Variants in STARD8 observed in about 807,000 individuals in gnomAD.
STARD8 encodes the protein StAR related lipid transfer domain containing 8, also known as stAR-related lipid transfer protein 8.
In STARD8, 25 loss-of-function variants were observed where a neutral mutation model predicts 69.4. That is an observed-to-expected ratio of 0.36 (90% CI 0.26 to 0.50). The LOEUF (loss-of-function observed/expected upper bound fraction) is 0.50. STARD8 is among the 20% of genes least tolerant of loss of function. The pLI is 0.96. For missense variants in STARD8, 921 were observed against 932.5 expected, an observed-to-expected ratio of 0.99 and a Z score of 0.16; for synonymous variants, 389 against 374.6, an observed-to-expected ratio of 1.04 and a Z score of -0.45.
chrX:68,650,302 T>C (rs1485641143), intron 1 of STARD8, among the ~76,000 whole-genome samples: 1 of 109,119 alleles, frequency 9.2e-6, no homozygotes, highest in Non-Finnish European at 1.9e-5. Context: ...AATGGACACC[T>C]ATAGTCCCAG....
At chrX:68,666,991 T>C (rs1410383324) in intron 2 of STARD8, among the ~76,000 whole-genome samples, 1 of 112,043 alleles carries the variant, frequency 8.9e-6, no homozygotes, top group African/African-American at 3.3e-5. Context: ...AGAATATCTG[T>C]GCCAGGCAGA....
At position 68,715,285 on chromosome X, in the gene STARD8, G is replaced by A. The variant is rs2080083035; in HGVS notation, c.152-9G>A. 8.3e-7 allele frequency: 1 copy of A among 1,201,302 alleles called. No individual in the cohort carries two copies. The highest frequency in any genetic ancestry group is 1.1e-6 in the Non-Finnish European group (1 of 889,119). ...ACTGCACTCATCTTTGCTTCTCTCTGCCATACAGAAGGTTCGTTTCCCCTG... is the reference window on the plus strand; with the variant it reads ...ACTGCACTCATCTTTGCTTCTCTCTACCATACAGAAGGTTCGTTTCCCCTG... On this transcript the variant is annotated splice_polypyrimidine_tract_variant and intron_variant, in intron 3 of 14. Transcript: ENST00000374599.
intron 1 of STARD8, among the ~76,000 whole-genome samples, chrX:68,652,114 T>C (rs1168053704): frequency 9.1e-6 from 1 of 109,637 alleles, no homozygotes; most frequent in Non-Finnish European, 1.9e-5. Context: ...CGCCTTGGCT[T>C]CCCAAAGTGC....
chrX:68,715,776 A>T (rs184072655), intron 4 of STARD8, among the ~76,000 whole-genome samples: 76 of 109,280 alleles, frequency 7.0e-4, no homozygotes, highest in African/African-American at 2.4e-3. Flanking sequence ...CCCTCACCCT[A>T]CTCCCAGATC....
chrX:68,678,396 G>A (rs760485985), intron 2 of STARD8, among the ~76,000 whole-genome samples: 6 of 111,956 alleles, frequency 5.4e-5, no homozygotes, highest in African/African-American at 1.6e-4. Context: ...CAAACCAGAC[G>A]AATGGAGGAG....
chrX:68,660,116 T>C (rs1175984950), intron 1 of STARD8, among the ~76,000 whole-genome samples: 3 of 110,559 alleles, frequency 2.7e-5, no homozygotes, highest in Non-Finnish European at 5.7e-5. Flanking sequence ...GCTTGCACCC[T>C]TGGGGGGAGA....
chrX:68,720,608 C>T (rs2080139725), intron 8 of STARD8, among the ~76,000 whole-genome samples, 185 bp downstream of exon 8: 1 of 113,223 alleles, frequency 8.8e-6, no homozygotes, highest in African/African-American at 3.2e-5. Context: ...CTTTCTACTC[C>T]TTATGCCCAG....
In STARD8 at chrX:68,724,484, G is replaced by A; in HGVS notation, c.*62G>A. Reference sequence around the variant, plus strand: ...CCCTGGGCACCAAGGGAGCGAGGGGGAATAAGAGCAGGGCAGCCCCCTGGG... The same window carrying A: ...CCCTGGGCACCAAGGGAGCGAGGGGAAATAAGAGCAGGGCAGCCCCCTGGG... On this transcript the variant is annotated 3_prime_UTR_variant, in exon 15 of 15. Transcript: ENST00000374599. 3 of 1,026,604 alleles carry A rather than the reference G, an allele frequency of 2.9e-6. No homozygotes were observed. The highest frequency in any genetic ancestry group is 2.0e-5 in the South Asian group (1 of 49,043). The allele number at this position is 1,026,604 out of a possible 1,213,427, so 84.6% of individuals were successfully genotyped here.
Position 68,668,245 on chromosome X carries a change from TC to T in STARD8, c.79+2714del, listed in dbSNP as rs1453590548. On this transcript the variant is annotated intron_variant, in intron 2 of 14. Coordinates refer to ENST00000374599, the MANE Select transcript of STARD8 (RefSeq NM_001142503.3). ...CTTTCTCTTTTTTCTCCTCTTTCTT[TC>T]TTTCTTTCTTTCTTTCTTTCTTTCT... 6.4e-3 allele frequency among the ~76,000 whole-genome samples: 519 copies of T among 80,918 alleles called. 10 individuals carry two copies. The highest frequency in any genetic ancestry group is 0.03 in the African/African-American group (493 of 16,264). 70.3% of individuals were successfully genotyped at this position (80,918 alleles called of 115,157 possible). A position where few individuals can be genotyped will look rare whatever the true frequency, so the allele number is the denominator to read the frequency against.
At chrX:68,702,817 A>G (rs2147916192) in intron 2 of STARD8, among the ~76,000 whole-genome samples, 1 of 111,549 alleles carries the variant, frequency 9.0e-6, no homozygotes, top group South Asian at 3.8e-4. Flanking sequence ...AAAAAACTTA[A>G]AGAAATGTCT....
At chrX:68,699,700 G>T (rs1465859148) in intron 2 of STARD8, among the ~76,000 whole-genome samples, 1 of 111,921 alleles carries the variant, frequency 8.9e-6, no homozygotes, top group Non-Finnish European at 1.9e-5. Context: ...ACATGTGGGG[G>T]CAGGAAATGG....
intron 1 of STARD8, among the ~76,000 whole-genome samples, chrX:68,648,550 C>A (rs2079528921): frequency 9.0e-6 from 1 of 111,371 alleles, no homozygotes; most frequent in African/African-American, 3.3e-5. Flanking sequence ...CACTTGAGGC[C>A]AGGGGTTCAA....
chrX:68,650,837 A>AAAACAAAACAAAACT (rs2079544222), intron 1 of STARD8, among the ~76,000 whole-genome samples: 3 of 108,023 alleles, frequency 2.8e-5, no homozygotes, highest in Non-Finnish European at 3.8e-5. Flanking sequence ...AAAACAAAAC[A>AAAACAAAACAAAACT]AAACTGGTGG....
At chrX:68,691,111 ACACACACACACACG>A (rs911176321) in intron 2 of STARD8, among the ~76,000 whole-genome samples, 3 of 110,674 alleles carry the variant, frequency 2.7e-5, no homozygotes, top group Non-Finnish European at 5.7e-5. Flanking sequence ...GGGCACAGAA[ACACACACACACACG>A]CACACACACA....
chrX:68,658,907 G>C (rs752088859), intron 1 of STARD8, among the ~76,000 whole-genome samples: 29 of 112,681 alleles, frequency 2.6e-4, no homozygotes, highest in Admixed American at 6.5e-4. Context: ...GCAGGGGAAA[G>C]GAAGTCCTGC....
intron 3 of STARD8, among the ~76,000 whole-genome samples, chrX:68,714,173 GC>G (rs2080074011): frequency 1.8e-5 from 2 of 111,625 alleles, no homozygotes; most frequent in Non-Finnish European, 3.8e-5. Flanking sequence ...GCTCTTTTTG[GC>G]CATAGGTCTG....
intron 10 of STARD8, 110 bp from the exon 11 acceptor site, chrX:68,721,937 G>T: frequency 1.2e-6 from 1 of 840,792 alleles, no homozygotes; most frequent in Non-Finnish European, 1.7e-6. Context: ...AGGTTGTTTT[G>T]TGGCCAGGTT....
rs992789809 is a variant in STARD8 at position 68,724,505 on chromosome X, C to T, written c.*83C>T. On this transcript the variant is annotated 3_prime_UTR_variant, in exon 15 of 15. Coordinates refer to ENST00000374599, the MANE Select transcript of STARD8 (RefSeq NM_001142503.3). ...GGGGGAATAAGAGCAGGGCAGCCCC[C>T]TGGGTGCCGCTGTCAGGAGCAGAGC... 1 of 821,204 alleles carries T rather than the reference C, an allele frequency of 1.2e-6. No individual in the cohort carries two copies. Among genetic ancestry groups the T allele is most frequent in the South Asian group, 2.4e-5 (1 of 41,266 alleles). The allele number at this position is 821,204 out of a possible 1,213,427, so 67.7% of individuals were successfully genotyped here.
chrX:68,688,403 C>T (rs1012805080), intron 2 of STARD8, among the ~76,000 whole-genome samples: 63 of 110,454 alleles, frequency 5.7e-4, no homozygotes, highest in Non-Finnish European at 9.7e-4. Flanking sequence ...GGGGGCAGGG[C>T]GTATAAAAGC....
Sources: allele counts gnomAD v4.1 joint callset (sites outside exome capture counted in the v4.1 genomes callset), GRCh38; gene constraint gnomAD v4.1.1; transcripts MANE v1.5; gene names NCBI Gene and HGNC (gene_info 2026-07-23, HGNC 2026-07-21).